NLRP7: variants seen among roughly 807,000 people sequenced by gnomAD.
NLRP7 encodes the protein NLR family pyrin domain containing 7.
NLRP7 carries 72 observed loss-of-function variants against 85.5 expected under a neutral mutation model. The observed-to-expected ratio is 0.84, with a 90% CI of 0.70 to 1.02. The LOEUF (loss-of-function observed/expected upper bound fraction) is 1.02. NLRP7 is among the 50% of genes least tolerant of loss of function. The pLI is 0.00. For missense variants in NLRP7, 1,243 were observed against 1,219.5 expected (o/e 1.02, Z -0.29); for synonymous variants, 550 against 505.2 (o/e 1.09, Z -1.19).
chr19:54,939,503 C>G, exon 4 of NLRP7: 1 of 1,613,730 alleles, frequency 6.2e-7, no homozygotes, highest in East Asian at 2.2e-5. Context: ...CTCCTGCACC[C>G]CGAGCCTTTC....
intron 4 of NLRP7, among the ~76,000 whole-genome samples, chr19:54,938,526 C>T (rs79920116): frequency 0.011 from 1,719 of 152,154 alleles, 26 homozygotes; most frequent in African/African-American, 0.038. Flanking sequence ...GAGTTTAAGA[C>T]CAACTTGGGC....
Position 54,934,626 on chromosome 19 carries a change from C to G in NLRP7, c.2334G>C (p.Trp778Cys), listed in dbSNP as rs104895558. ...CTTTGAGGACATAGAAGAATTCAGCCCACTGCTCCGGGGTGGCACAGTGAC... is the reference window on the plus strand; with the variant it reads ...CTTTGAGGACATAGAAGAATTCAGCGCACTGCTCCGGGGTGGCACAGTGAC... Residue 778 changes from tryptophan to cysteine, a missense_variant, in exon 7 of 10, where the codon TGG (tryptophan) becomes TGC (cysteine). Coordinates refer to ENST00000340844, the Ensembl canonical transcript of NLRP7. This position sits in a 1 kb window ranked among gnomAD's most constrained non-coding sequence, Gnocchi z 6.7. 2 of 1,613,846 alleles carry G rather than the reference C, an allele frequency of 1.2e-6. No individual in the cohort carries two copies. Among genetic ancestry groups the G allele is most frequent in the Non-Finnish European group, 8.5e-7 (1 of 1,179,972 alleles).
chr19:54,937,295 A>C (rs2068974804), intron 5 of NLRP7, among the ~76,000 whole-genome samples: 1 of 151,992 alleles, frequency 6.6e-6, no homozygotes, highest in South Asian at 2.1e-4. Context: ...TGGGTGACAA[A>C]ATAATCTGTA....
At chr19:54,938,812 TCTGACAGTAA>T in intron 4 of NLRP7, 66 bp downstream of exon 4, 1 of 1,520,248 alleles carries the variant, frequency 6.6e-7, no homozygotes, top group Non-Finnish European at 9.1e-7. Context: ...AGAGGGAAAT[TCTGACAGTAA>T]GCGACAGGGC....
intron 9 of NLRP7, among the ~76,000 whole-genome samples, chr19:54,929,542 G>T (rs115160494): frequency 2.0e-5 from 3 of 152,068 alleles, no homozygotes; most frequent in African/African-American, 7.2e-5. Context: ...TGAAGAGCTC[G>T]CCATTCCATT....
intron 9 of NLRP7, among the ~76,000 whole-genome samples, chr19:54,928,779 C>T (rs1190134420): frequency 6.7e-6 from 1 of 150,174 alleles, no homozygotes; most frequent in African/African-American, 2.4e-5. Flanking sequence ...CCCCATAAGG[C>T]CCTGTAGGCC....
At chr19:54,923,983 TG>T (rs943508192) in intron 9 of NLRP7, 111 bp from the exon 11 acceptor site, 3 of 1,217,970 alleles carry the variant, frequency 2.5e-6, no homozygotes, top group African/African-American at 3.0e-5. Context: ...TGGGATTTTC[TG>T]GGGGACAGGG....
chr19:54,956,957 C>T (rs1050289816), intron 1 of NLRP7, among the ~76,000 whole-genome samples: 6 of 151,778 alleles, frequency 4.0e-5, no homozygotes, highest in African/African-American at 1.4e-4. Flanking sequence ...AATTTGCCTC[C>T]ACCACCCCCA....
At chr19:54,927,389 A>T (rs1241061905) in intron 9 of NLRP7, among the ~76,000 whole-genome samples, 1 of 151,766 alleles carries the variant, frequency 6.6e-6, no homozygotes, top group Non-Finnish European at 1.5e-5. Context: ...CTCAAAAAAA[A>T]AAAAAGAAAA....
exon 5 of NLRP7, chr19:54,938,044 T>C: frequency 6.2e-7 from 1 of 1,611,774 alleles, no homozygotes; most frequent in East Asian, 2.2e-5. Context: ...TTCTACTTAC[T>C]CCACTTTCTG....
rs942067965 is a variant in NLRP7 at position 54,954,102 on chromosome 19, G to A, written c.-76-6597C>T. Among the ~76,000 whole-genome samples the A allele has an allele frequency of 3.4e-5, 5 of 149,164 alleles. 1 individual carries two copies. Among genetic ancestry groups the A allele is most frequent in the Admixed American group, 1.3e-4 (2 of 14,938 alleles). On this transcript the variant is annotated intron_variant, in intron 1 of 2. Transcript: ENST00000587103. ...AGAGTAACCTCTGGTTGTCCTCACCGCTCCACTCCCAGCAGCCCCATGACA... is the reference window on the plus strand; with the variant it reads ...AGAGTAACCTCTGGTTGTCCTCACCACTCCACTCCCAGCAGCCCCATGACA...
exon 3 of NLRP7, chr19:54,940,950 G>T (rs2069194377): frequency 6.2e-7 from 1 of 1,612,154 alleles, no homozygotes; most frequent in Non-Finnish European, 8.5e-7. Context: ...CTAACTCCGA[G>T]TCTTCTTCTG....
upstream of NLRP7, among the ~76,000 whole-genome samples, chr19:54,951,401 C>T (rs1488654638): frequency 2.0e-5 from 3 of 151,698 alleles, no homozygotes; most frequent in Non-Finnish European, 2.9e-5. Context: ...CAAAAATTAG[C>T]GGGGCATGGT....
At chr19:54,923,957 A>C in intron 9 of NLRP7, 85 bp from the exon 11 acceptor site, 2 of 1,456,576 alleles carry the variant, frequency 1.4e-6, no homozygotes, top group Non-Finnish European at 9.6e-7. Context: ...CAAACACTCA[A>C]AGCAGGAAAC....
At chr19:54,946,804 T>A (rs2146253953) in intron 1 of NLRP7, among the ~76,000 whole-genome samples, 1 of 152,182 alleles carries the variant, frequency 6.6e-6, no homozygotes, top group East Asian at 1.9e-4. Flanking sequence ...CACACCTGGC[T>A]AATTTTTGTG....
At chr19:54,962,269 T>A (rs1374334033) in intron 1 of NLRP7, among the ~76,000 whole-genome samples, 3 of 86,270 alleles carry the variant, frequency 3.5e-5, no homozygotes, top group East Asian at 5.6e-4. Context: ...CATCCCTCAA[T>A]TTTTTTTTTT....
At chr19:54,937,026 G>A (rs1263923454) in intron 5 of NLRP7, among the ~76,000 whole-genome samples, 1 of 151,850 alleles carries the variant, frequency 6.6e-6, no homozygotes, top group Non-Finnish European at 1.5e-5. Flanking sequence ...AGACCATCCT[G>A]GCTAACACGG....
intron 1 of NLRP7, among the ~76,000 whole-genome samples, chr19:54,956,221 C>A (rs1216232649): frequency 2.0e-5 from 3 of 152,038 alleles, no homozygotes; most frequent in Non-Finnish European, 4.4e-5. Context: ...GGAAGGAAGT[C>A]AGTCAGTCTT....
chr19:54,930,102 C>T (rs1351144064), intron 9 of NLRP7, among the ~76,000 whole-genome samples: 7 of 117,790 alleles, frequency 5.9e-5, no homozygotes, highest in South Asian at 2.9e-4. Flanking sequence ...GCAACTAGAA[C>T]GAGGCTCCGT....
Sources: allele counts gnomAD v4.1 joint callset (sites outside exome capture counted in the v4.1 genomes callset), GRCh38; gene constraint gnomAD v4.1.1; non-coding constraint Gnocchi (gnomAD v3.1); transcripts MANE v1.5; gene names NCBI Gene and HGNC (gene_info 2026-07-23, HGNC 2026-07-21).